The following RGS5 variants were observed in gnomAD, a reference collection of about 807,000 sequenced individuals.
RGS5 encodes regulator of G-protein signalling 5.
Under a neutral mutation model 18.9 loss-of-function variants are expected in RGS5, and 20 were observed. The observed-to-expected ratio is 1.06, with a 90% confidence interval of 0.74 to 1.54. The LOEUF is 1.54. RGS5 is among the 40% of genes most tolerant of loss of function. The pLI, the probability that RGS5 is intolerant of heterozygous loss-of-function variation, is 0.00. For synonymous variants in RGS5, 57 were observed against 76.2 expected, an observed-to-expected ratio of 0.75 and a Z score of 1.31; for missense variants, 201 against 211.8, an observed-to-expected ratio of 0.95 and a Z score of 0.32.
intron 1 of RGS5, among the ~76,000 whole-genome samples, chr1:163,320,170 C>T (rs1014587020): frequency 6.6e-6 from 1 of 152,036 alleles, no homozygotes; most frequent in Non-Finnish European, 1.5e-5. Context: ...TCACATAAAT[C>T]GCTTGGTTTT....
At chr1:163,294,754 C>T (rs1209938415) in intron 2 of RGS5, among the ~76,000 whole-genome samples, 1 of 152,160 alleles carries the variant, frequency 6.6e-6, no homozygotes, top group Non-Finnish European at 1.5e-5. Flanking sequence ...CCTTTTTAAA[C>T]ATAGGTTCTA....
intron 1 of RGS5, among the ~76,000 whole-genome samples, chr1:163,182,729 T>C (rs914228140): frequency 2.6e-5 from 4 of 152,196 alleles, no homozygotes; most frequent in Admixed American, 6.5e-5. Context: ...CAGGCATTTA[T>C]GGTTTATTTT....
chr1:163,207,666 TA>T (rs1659981454), upstream of RGS5, among the ~76,000 whole-genome samples: 1 of 152,228 alleles, frequency 6.6e-6, no homozygotes, highest in Non-Finnish European at 1.5e-5. Context: ...TCTGGCTTTT[TA>T]ATATTGGTGT....
chr1:163,171,442 G>A (rs1410479081), intron 1 of RGS5, among the ~76,000 whole-genome samples: 1 of 152,118 alleles, frequency 6.6e-6, no homozygotes, highest in African/African-American at 2.4e-5. Flanking sequence ...ACTGTTTTCA[G>A]TTTCAACCTT....
At chr1:163,211,456 T>A (rs920965737) in intron 1 of RGS5, 6 of 152,218 alleles carry the variant, frequency 3.9e-5, no homozygotes, top group African/African-American at 1.4e-4. Context: ...TGGTAAGTCC[T>A]TCTTAGTTGA....
Position 163,174,706 on chromosome 1 carries a change from T to A in RGS5, c.45-6338A>T, listed in dbSNP as rs947533074. On this transcript the variant is annotated intron_variant, in intron 1 of 4. Coordinates refer to ENST00000313961, the MANE Select transcript of RGS5 (RefSeq NM_003617.4). ...GGAGGATAATTGCAATCACTAGCAA[T>A]CTGAAAAGAATCAATTATAAGACCA... Among the ~76,000 whole-genome samples the A allele has an allele frequency of 1.4e-4, 21 of 152,160 alleles. 1 individual carries two copies. The highest frequency in any genetic ancestry group is 1.5e-5 in the Non-Finnish European group (1 of 68,026).
chr1:163,148,694 G>A (rs1657255332), intron 4 of RGS5, among the ~76,000 whole-genome samples: 1 of 152,172 alleles, frequency 6.6e-6, no homozygotes, highest in Non-Finnish European at 1.5e-5. Flanking sequence ...TGAGTGCAGG[G>A]CCACTACATT....
At chr1:163,243,654 A>AC (rs1278067194) in intron 2 of RGS5, among the ~76,000 whole-genome samples, 2 of 150,980 alleles carry the variant, frequency 1.3e-5, no homozygotes, top group Non-Finnish European at 3.0e-5. Context: ...AAAAAAAAAA[A>AC]AAAAAAAAAA....
chr1:163,149,999 T>C (rs1657309989), intron 4 of RGS5, among the ~76,000 whole-genome samples: 1 of 152,190 alleles, frequency 6.6e-6, no homozygotes, highest in Non-Finnish European at 1.5e-5. Flanking sequence ...CATCTAAGAA[T>C]GTCTGAAGTT....
At chr1:163,210,780 A>C (rs1660086777) in intron 1 of RGS5, 1 of 152,112 alleles carries the variant, frequency 6.6e-6, no homozygotes, top group African/African-American at 2.4e-5. Context: ...CATGGCTTTT[A>C]ATTTCTGTCT....
chr1:163,237,823 T>G (rs1366002952), intron 2 of RGS5: 1 of 153,524 alleles, frequency 6.5e-6, no homozygotes, highest in Admixed American at 6.5e-5. Context: ...CAACCAGGAT[T>G]TGGATGAGAA....
chr1:163,184,994 T>C (rs7546308), intron 1 of RGS5, among the ~76,000 whole-genome samples: 31,771 of 152,156 alleles, frequency 0.21, 3,760 homozygotes, highest in African/African-American at 0.32. Context: ...AAAATAGACT[T>C]AAAACCAGTC....
intron 1 of RGS5, among the ~76,000 whole-genome samples, chr1:163,316,022 C>A (rs1252990568): frequency 6.6e-6 from 1 of 152,154 alleles, no homozygotes; most frequent in Non-Finnish European, 1.5e-5. Context: ...CTAGAATTTA[C>A]CATTTTCTTT....
intron 2 of RGS5, among the ~76,000 whole-genome samples, chr1:163,261,263 G>A (rs1182486946): frequency 6.6e-6 from 1 of 152,088 alleles, no homozygotes; most frequent in Non-Finnish European, 1.5e-5. Context: ...AGTCATCACT[G>A]TGATGCCCAT....
chr1:163,162,040 G>C, intron 2 of RGS5, 64 bp from the exon 3 acceptor site: 1 of 1,045,298 alleles, frequency 9.6e-7, no homozygotes, highest in Non-Finnish European at 1.5e-6. Flanking sequence ...ACATGTACCA[G>C]CAATAACTAC....
At chr1:163,308,827 T>A (rs965799311) in intron 1 of RGS5, among the ~76,000 whole-genome samples, 2 of 152,162 alleles carry the variant, frequency 1.3e-5, no homozygotes, top group African/African-American at 2.4e-5. Context: ...AGTATCACAA[T>A]AAAGGGAATG....
Position 163,143,038 on chromosome 1 carries a change from G to A in RGS5, c.*4304C>T, listed in dbSNP as rs370447282. On this transcript the variant is annotated 3_prime_UTR_variant, in exon 5 of 5. Coordinates refer to ENST00000313961, the MANE Select transcript of RGS5 (RefSeq NM_003617.4). Reference sequence around the variant, plus strand: ...GCTGTAAGTTTCCATTCAAAGCCAGGAGTCTTTTCTCAGTTGGAAGAGTTG... The same window carrying A: ...GCTGTAAGTTTCCATTCAAAGCCAGAAGTCTTTTCTCAGTTGGAAGAGTTG... 6.6e-6 allele frequency: 1 copy of A among 152,204 alleles called. No homozygotes were observed. Among genetic ancestry groups the A allele is most frequent in the Admixed American group, 6.5e-5 (1 of 15,268 alleles). 9.4% of individuals were successfully genotyped at this position (152,204 alleles called of 1,614,324 possible). A position where few individuals can be genotyped will look rare whatever the true frequency, so the allele number is the denominator to read the frequency against.
intron 2 of RGS5, among the ~76,000 whole-genome samples, chr1:163,285,998 G>GCGCACA (rs1553226793): frequency 1.4e-3 from 183 of 135,104 alleles, no homozygotes; most frequent in African/African-American, 4.3e-3. Flanking sequence ...TTTAATTTAT[G>GCGCACA]CACACACACA....
At chr1:163,292,393 C>T (rs1649311504) in intron 2 of RGS5, among the ~76,000 whole-genome samples, 3 of 152,152 alleles carry the variant, frequency 2.0e-5, no homozygotes, top group Non-Finnish European at 1.5e-5. Flanking sequence ...TGTATATGTA[C>T]CACATTTTCT....
Sources: allele counts gnomAD v4.1 joint callset (sites outside exome capture counted in the v4.1 genomes callset), GRCh38; gene constraint gnomAD v4.1.1; transcripts MANE v1.5; gene names NCBI Gene and HGNC (gene_info 2026-07-23, HGNC 2026-07-21).